CAP2: variants seen among roughly 807,000 people sequenced by gnomAD.
CAP2 encodes adenylyl cyclase-associated protein 2.
A neutral mutation model predicts 57.7 loss-of-function variants in CAP2; 24 were observed. The ratio of observed to expected loss-of-function variants is 0.42; its 90% confidence interval spans 0.30 to 0.58. The LOEUF is 0.58. Among genes scored for constraint, CAP2 ranks in the 20% least tolerant of loss-of-function variants. CAP2 has a pLI of 0.22. For synonymous variants in CAP2, 194 were observed against 207.2 expected, an observed-to-expected ratio of 0.94 and a Z score of 0.55; for missense variants, 501 against 590.3, an observed-to-expected ratio of 0.85 and a Z score of 1.57.
At chr6:17,410,597 T>C (rs1759114480) in intron 1 of CAP2, among the ~76,000 whole-genome samples, 1 of 149,618 alleles carries the variant, frequency 6.7e-6, no homozygotes, top group South Asian at 2.1e-4. Flanking sequence ...TGAGACGGAG[T>C]CCAGAGCTGG....
intron 3 of CAP2, among the ~76,000 whole-genome samples, chr6:17,434,923 T>C (rs1008568667): frequency 4.1e-5 from 6 of 145,876 alleles, no homozygotes; most frequent in Non-Finnish European, 7.5e-5. Context: ...AAAAAACACA[T>C]GAAGAAATGC....
At chr6:17,504,716 C>T (rs1761929846) in intron 4 of CAP2, among the ~76,000 whole-genome samples, 1 of 152,206 alleles carries the variant, frequency 6.6e-6, no homozygotes, top group Non-Finnish European at 1.5e-5. Context: ...CAACCCAGTA[C>T]ACACACAAAC....
intron 8 of CAP2, among the ~76,000 whole-genome samples, chr6:17,540,484 C>T (rs1394651423): frequency 6.6e-6 from 1 of 151,706 alleles, no homozygotes; most frequent in African/African-American, 2.4e-5. Context: ...GGTGCAGTGG[C>T]TCACGCCTGT....
At chr6:17,530,007 G>A (rs1408164965) in intron 7 of CAP2, among the ~76,000 whole-genome samples, 3 of 151,906 alleles carry the variant, frequency 2.0e-5, no homozygotes, top group African/African-American at 4.8e-5. Flanking sequence ...CCATTGTAAA[G>A]CATTGTTAGT....
At chr6:17,503,138 C>T (rs965665697) in intron 4 of CAP2, among the ~76,000 whole-genome samples, 1 of 151,978 alleles carries the variant, frequency 6.6e-6, no homozygotes, top group Non-Finnish European at 1.5e-5. Context: ...CTGCCATTAC[C>T]CCTGCATTGG....
intron 4 of CAP2, among the ~76,000 whole-genome samples, chr6:17,497,111 T>A (rs1370347981): frequency 6.6e-6 from 1 of 152,232 alleles, no homozygotes; most frequent in Non-Finnish European, 1.5e-5. Context: ...CAGAAGAATT[T>A]TTTTCTTGCT....
intron 4 of CAP2, among the ~76,000 whole-genome samples, chr6:17,473,953 A>G (rs73375249): frequency 0.037 from 5,660 of 152,292 alleles, 353 homozygotes; most frequent in African/African-American, 0.13. Flanking sequence ...TAAATTTTAT[A>G]TAATTGTCTT....
At chr6:17,467,298 C>T (rs577677533) in intron 4 of CAP2, among the ~76,000 whole-genome samples, 1 of 152,268 alleles carries the variant, frequency 6.6e-6, no homozygotes, top group East Asian at 1.9e-4. Flanking sequence ...TGTAACACAG[C>T]AATAGAAAAC....
chr6:17,448,546 A>G (rs1457996661), intron 3 of CAP2, among the ~76,000 whole-genome samples: 2 of 152,204 alleles, frequency 1.3e-5, no homozygotes, highest in Non-Finnish European at 2.9e-5. Context: ...CTATTCCCAT[A>G]CTGTTTTAAA....
intron 3 of CAP2, among the ~76,000 whole-genome samples, chr6:17,444,374 C>T (rs1020284864): frequency 6.6e-6 from 1 of 152,164 alleles, no homozygotes; most frequent in African/African-American, 2.4e-5. Context: ...CGTGGTGGCT[C>T]ACGCCTGTAA....
Position 17,421,553 on chromosome 6 carries a change from A to G in CAP2, c.-1-2A>G. The G allele has an allele frequency of 6.2e-7, 1 of 1,614,022 alleles. No individual in the cohort carries two copies. Among genetic ancestry groups the G allele is most frequent in the East Asian group, 2.2e-5 (1 of 44,894 alleles). On this transcript the variant is annotated splice_acceptor_variant, in intron 1 of 12. Coordinates refer to ENST00000229922, the MANE Select transcript of CAP2 (RefSeq NM_006366.3). LOFTEE classifies it low-confidence loss of function (5UTR_SPLICE). ...CCTCCATTTGTGCCTGTGCTTTTCT[A>G]GAATGGCCAACATGCAGGGACTGGT... is the stretch of plus-strand genomic sequence containing the variant.
At chr6:17,424,358 C>T (rs1297387838) in intron 2 of CAP2, among the ~76,000 whole-genome samples, 2 of 152,170 alleles carry the variant, frequency 1.3e-5, no homozygotes, top group Non-Finnish European at 2.9e-5. Context: ...CGAGATCGCG[C>T]CACTGCACTC....
At chr6:17,398,426 C>T (rs919362001) in intron 1 of CAP2, among the ~76,000 whole-genome samples, 6 of 152,010 alleles carry the variant, frequency 3.9e-5, no homozygotes, top group African/African-American at 1.5e-4. Flanking sequence ...TCTCCTTGAA[C>T]TTAGAAGGAG....
Position 17,448,805 on chromosome 6 carries a change from A to G in CAP2, c.223-14191A>G, listed in dbSNP as rs566448173. 8.8e-4 allele frequency among the ~76,000 whole-genome samples: 134 copies of G among 151,594 alleles called. 1 individual carries two copies. Among genetic ancestry groups the G allele is most frequent in the Non-Finnish European group, 1.7e-3 (114 of 67,960 alleles). On this transcript the variant is annotated intron_variant, in intron 3 of 12. Coordinates refer to ENST00000229922, the MANE Select transcript of CAP2 (RefSeq NM_006366.3). The stretch of plus-strand genomic sequence containing the variant: ...TTGAGACAAAGTCACTCTGTTGCCC[A>G]GGCTGGACTGCAGGGGTGCGATCTC...
At chr6:17,526,098 C>A (rs997808986) in intron 7 of CAP2, among the ~76,000 whole-genome samples, 2 of 149,620 alleles carry the variant, frequency 1.3e-5, no homozygotes, top group Non-Finnish European at 1.5e-5. Flanking sequence ...GTCTGTTTTT[C>A]AAAAGCTGCA....
At chr6:17,510,102 T>C (rs951552360) in intron 6 of CAP2, among the ~76,000 whole-genome samples, 2 of 152,180 alleles carry the variant, frequency 1.3e-5, no homozygotes, top group African/African-American at 2.4e-5. Context: ...ACTTAAACTT[T>C]TTAAAATTTA....
chr6:17,538,011 G>A (rs767235044), intron 7 of CAP2, among the ~76,000 whole-genome samples: 1 of 152,076 alleles, frequency 6.6e-6, no homozygotes, highest in Non-Finnish European at 1.5e-5. Context: ...ATGTTGTAGG[G>A]AGCCGAGATC....
intron 3 of CAP2, among the ~76,000 whole-genome samples, chr6:17,461,573 G>A (rs1760720403): frequency 6.6e-6 from 1 of 152,038 alleles, no homozygotes; most frequent in East Asian, 1.9e-4. Context: ...TTCCAAGTCA[G>A]TATGCTTTAT....
intron 7 of CAP2, among the ~76,000 whole-genome samples, chr6:17,521,744 G>A (rs552793522): frequency 6.6e-6 from 1 of 152,272 alleles, no homozygotes; most frequent in Admixed American, 6.5e-5. Flanking sequence ...AGGACCACGT[G>A]GAAGATACGG....
Sources: allele counts gnomAD v4.1 joint callset (sites outside exome capture counted in the v4.1 genomes callset), GRCh38; gene constraint gnomAD v4.1.1; transcripts MANE v1.5; gene names NCBI Gene and HGNC (gene_info 2026-07-23, HGNC 2026-07-21).